The following OSBP2 variants were observed in gnomAD, a reference collection of about 807,000 sequenced individuals.
OSBP2 encodes the protein oxysterol binding protein 2.
Under a neutral mutation model 96.0 loss-of-function variants are expected in OSBP2, and 66 were observed. That is an observed-to-expected ratio of 0.69 (90% CI 0.56 to 0.84). OSBP2 has a LOEUF of 0.84. Ranked by LOEUF, OSBP2 falls within the 40% of genes least tolerant of loss-of-function variation. The pLI, the probability that OSBP2 is intolerant of heterozygous loss-of-function variation, is 0.00. For missense variants in OSBP2, 1,038 were observed against 1,222.7 expected, an observed-to-expected ratio of 0.85 and a Z score of 2.25; for synonymous variants, 525 against 520.9, an observed-to-expected ratio of 1.01 and a Z score of -0.11.
chr22:30,713,042 A>T lies in OSBP2; in HGVS notation c.644+17489A>T, dbSNP rs571649999. 9.3e-4 allele frequency among the ~76,000 whole-genome samples: 140 copies of T among 150,948 alleles called. 3 individuals are homozygous for T. The South Asian group carries it at 0.029, about 31-fold the overall frequency. ...CCTTCTCCACCTCAGCCTCCAGAGT[A>T]GCTGGGACTACAGGCGTGCATCACC... On this transcript the variant is annotated intron_variant, in intron 1 of 13. Transcript: ENST00000332585.
At chr22:30,720,854 G>C (rs2089537233) in intron 1 of OSBP2, among the ~76,000 whole-genome samples, 1 of 152,162 alleles carries the variant, frequency 6.6e-6, no homozygotes, top group South Asian at 2.1e-4. Flanking sequence ...GGCCTCCTTG[G>C]GGAGCAGCCA....
intron 2 of OSBP2, chr22:30,822,581 C>T (rs1260623129): frequency 6.6e-7 from 1 of 1,519,158 alleles, no homozygotes; most frequent in Non-Finnish European, 8.8e-7. Flanking sequence ...GCCCCCGGGA[C>T]CCGGCGCCAT....
intron 2 of OSBP2, among the ~76,000 whole-genome samples, chr22:30,753,309 T>C (rs1340626965): frequency 6.6e-6 from 1 of 151,782 alleles, no homozygotes; most frequent in Non-Finnish European, 1.5e-5. Context: ...CTTTGGAATA[T>C]GGAGATGGAG....
chr22:30,888,206 T>G lies in OSBP2; in HGVS notation c.1301-17T>G. 1 of 1,505,010 alleles carries G rather than the reference T, an allele frequency of 6.6e-7. No homozygotes were observed. 93.2% of individuals were successfully genotyped at this position (1,505,010 alleles called of 1,614,324 possible). A position where few individuals can be genotyped will look rare whatever the true frequency, so the allele number is the denominator to read the frequency against. ...CTTTTGTGAGGTTACAAATTAAAGC[T>G]CTGTCTGTGTCTCTAGGAAGCCTCT... On this transcript the variant is annotated splice_polypyrimidine_tract_variant and intron_variant, in intron 4 of 13. Transcript: ENST00000332585.
At chr22:30,792,583 A>G (rs2090691331) in intron 2 of OSBP2, among the ~76,000 whole-genome samples, 1 of 152,206 alleles carries the variant, frequency 6.6e-6, no homozygotes, top group African/African-American at 2.4e-5. Context: ...TCTTGCCACC[A>G]GCATATGGCA....
chr22:30,712,902 T>G (rs932195463), intron 1 of OSBP2, among the ~76,000 whole-genome samples: 1 of 151,956 alleles, frequency 6.6e-6, no homozygotes, highest in South Asian at 2.1e-4. Flanking sequence ...TTTTGGTTTG[T>G]TTTTGGTTTT....
chr22:30,778,994 C>T (rs1271002065), intron 2 of OSBP2, among the ~76,000 whole-genome samples: 1 of 150,448 alleles, frequency 6.6e-6, no homozygotes, highest in Non-Finnish European at 1.5e-5. Flanking sequence ...CGAGATTGCC[C>T]CACTGCACTC....
intron 2 of OSBP2, among the ~76,000 whole-genome samples, chr22:30,793,808 T>C (rs136292): frequency 0.76 from 115,876 of 152,110 alleles, 45,124 homozygotes; most frequent in African/African-American, 0.92. Context: ...CACCACTGCA[T>C]TCCAGTCTGG....
At chr22:30,726,810 G>T (rs941267970) in intron 1 of OSBP2, among the ~76,000 whole-genome samples, 2 of 152,196 alleles carry the variant, frequency 1.3e-5, no homozygotes, top group Admixed American at 1.3e-4. Flanking sequence ...AAAGAATCAG[G>T]CCAGTAGAAA....
chr22:30,757,328 G>A (rs1313121346), intron 2 of OSBP2, among the ~76,000 whole-genome samples: 1 of 152,132 alleles, frequency 6.6e-6, no homozygotes, highest in East Asian at 1.9e-4. Context: ...TTCCAGTGGA[G>A]ACATTTCTCC....
chr22:30,893,192 TCAC>T lies in OSBP2; in HGVS notation c.1943_1945del (p.Thr648del), dbSNP rs1366670854. On this transcript the variant is annotated inframe_deletion, in exon 9 of 14. Transcript: ENST00000332585. ...CATGGCTGGAGCCTCTGGCAGGAGATCACCATCTCCAGCAAGTTCCGGGGAAAA... is the reference window on the plus strand; with the variant it reads ...CATGGCTGGAGCCTCTGGCAGGAGATCATCTCCAGCAAGTTCCGGGGAAAA... The T allele has an allele frequency of 1.2e-6, 2 of 1,613,948 alleles. No individual in the cohort carries two copies. The highest frequency in any genetic ancestry group is 1.7e-6 in the Non-Finnish European group (2 of 1,179,974).
chr22:30,801,465 A>G (rs2090850633), intron 2 of OSBP2, among the ~76,000 whole-genome samples: 1 of 152,152 alleles, frequency 6.6e-6, no homozygotes, highest in African/African-American at 2.4e-5. Flanking sequence ...GCCCTTCATA[A>G]ATGTTTTGGC....
In OSBP2 at chr22:30,887,480, G is replaced by A; in HGVS notation, c.1162G>A (p.Ala388Thr). 1 of 1,613,830 alleles carries A rather than the reference G, an allele frequency of 6.2e-7. No homozygotes were observed. Among genetic ancestry groups the A allele is most frequent in the African/African-American group, 1.3e-5 (1 of 75,068 alleles). Residue 388 changes from alanine (A) to threonine (T), a missense_variant, in exon 4 of 14, where the codon GCA becomes ACA. Physicochemically the swap from Ala to Thr is moderately conservative, Grantham distance 58. This residue lies in a region of OSBP2 where 737 missense variants were observed against 913.3 expected (regional missense o/e 0.81). Coordinates refer to ENST00000332585, the MANE Select transcript of OSBP2 (RefSeq NM_030758.4). ...GATACACAGTCGGAAATGGCAGCGG[G>A]CACTGCAGTATGAGCAGGAGCAGCG... is the stretch of plus-strand genomic sequence containing the variant. The part of the protein sequence containing the change: ...AEIHSRKWQR[A>T]LQYEQEQRVH...
chr22:30,840,316 A>G (rs200226337), intron 2 of OSBP2, among the ~76,000 whole-genome samples: 24 of 144,084 alleles, frequency 1.7e-4, no homozygotes, highest in East Asian at 8.4e-4. Context: ...AAAAAAAAAA[A>G]GAAAAAGGAA....
intron 2 of OSBP2, among the ~76,000 whole-genome samples, chr22:30,759,640 T>C (rs1489104061): frequency 6.6e-6 from 1 of 152,188 alleles, no homozygotes; most frequent in African/African-American, 2.4e-5. Flanking sequence ...AAAATCAAAT[T>C]CTAACACTTG....
In OSBP2 at chr22:30,875,196, C is replaced by T. The variant is rs188811169; in HGVS notation, c.1107+4514C>T. ...GCCCAGCCCCGAGGCCTCAGCCTGC[C>T]GAGGTCACCCCTGCACCCCGCACCC... On this transcript the variant is annotated intron_variant, in intron 3 of 13. Transcript: ENST00000332585. 2.5e-3 allele frequency among the ~76,000 whole-genome samples: 386 copies of T among 152,208 alleles called. 1 individual carries two copies. The highest frequency in any genetic ancestry group is 8.1e-3 in the African/African-American group (338 of 41,526).
chr22:30,902,643 AG>A (rs1457896403), intron 12 of OSBP2: 1 of 616,184 alleles, frequency 1.6e-6, no homozygotes, highest in Non-Finnish European at 3.0e-6. Flanking sequence ...CCGACAGAGG[AG>A]GGAAGAGCAC....
chr22:30,794,786 G>T (rs2090732670), intron 2 of OSBP2, among the ~76,000 whole-genome samples: 1 of 148,922 alleles, frequency 6.7e-6, no homozygotes, highest in South Asian at 2.1e-4. Context: ...AACACAGTGA[G>T]ACCGTCTCAA....
chr22:30,886,925 G>T (rs756190273), intron 3 of OSBP2, among the ~76,000 whole-genome samples: 2 of 152,192 alleles, frequency 1.3e-5, no homozygotes, highest in Admixed American at 6.5e-5. Context: ...TGTGCAAAGT[G>T]AGAGCAAGTT....
Sources: allele counts gnomAD v4.1 joint callset (sites outside exome capture counted in the v4.1 genomes callset), GRCh38; gene constraint gnomAD v4.1.1; regional missense constraint gnomAD v4.1.1; transcripts MANE v1.5; gene names NCBI Gene and HGNC (gene_info 2026-07-23, HGNC 2026-07-21).